Variants in TMEM131L observed in about 807,000 individuals in gnomAD.
TMEM131L encodes transmembrane 131 like.
A neutral mutation model predicts 192.2 loss-of-function variants in TMEM131L; 54 were observed. That is an observed-to-expected ratio of 0.28 (90% CI 0.23 to 0.35). TMEM131L has a LOEUF of 0.35. Among genes scored for constraint, TMEM131L ranks in the 10% least tolerant of loss-of-function variants. TMEM131L has a pLI of 1.00. For missense variants in TMEM131L, 1,888 were observed against 1,972.9 expected, an observed-to-expected ratio of 0.96 and a Z score of 0.82; for synonymous variants, 701 against 704.9, an observed-to-expected ratio of 0.99 and a Z score of 0.09.
intron 25 of TMEM131L, among the ~76,000 whole-genome samples, chr4:153,611,508 G>A (rs555063387): frequency 6.6e-6 from 1 of 152,276 alleles, no homozygotes; most frequent in East Asian, 1.9e-4. Flanking sequence ...ATTATCAAAT[G>A]CAGTGGCATT....
intron 7 of TMEM131L, among the ~76,000 whole-genome samples, chr4:153,566,402 C>T (rs904912067): frequency 3.9e-5 from 6 of 151,942 alleles, no homozygotes; most frequent in East Asian, 3.9e-4. Flanking sequence ...CTCAAAGTGC[C>T]GGGATTACAG....
intron 25 of TMEM131L, among the ~76,000 whole-genome samples, chr4:153,605,738 T>A (rs73856932): frequency 1.3e-5 from 2 of 152,244 alleles, no homozygotes; most frequent in African/African-American, 4.8e-5. Context: ...TAACTTCATC[T>A]TTTTCACTTC....
intron 32 of TMEM131L, 117 bp downstream of exon 32, chr4:153,632,955 G>A: frequency 8.3e-7 from 1 of 1,206,716 alleles, no homozygotes; most frequent in Non-Finnish European, 1.2e-6. Context: ...CTTCCTTGGT[G>A]TACTTTAGCT....
Position 153,603,938 on chromosome 4 carries a change from CAGA to C in TMEM131L, c.2932_2934del (p.Lys978del). 2 of 1,614,050 alleles carry C rather than the reference CAGA, an allele frequency of 1.2e-6. No homozygotes were observed. Among genetic ancestry groups the C allele is most frequent in the South Asian group, 1.1e-5 (1 of 91,086 alleles). ...GAGCCCAGCCACCTATGGTCATTCTCAGAAGAAGCACAAATGCTCAGTGTATTA... is the reference window on the plus strand; with the variant it reads ...GAGCCCAGCCACCTATGGTCATTCTCAGAAGCACAAATGCTCAGTGTATTA... On this transcript the variant is annotated inframe_deletion, in exon 25 of 35. Transcript: ENST00000409959.
chr4:153,499,232 G>T (rs926182560), intron 3 of TMEM131L, among the ~76,000 whole-genome samples: 2 of 152,170 alleles, frequency 1.3e-5, no homozygotes, highest in Admixed American at 1.3e-4. Flanking sequence ...GCCTCCCTGC[G>T]GTTAGTGGTG....
chr4:153,590,021 A>G (rs890930572), intron 16 of TMEM131L, among the ~76,000 whole-genome samples: 16 of 152,224 alleles, frequency 1.1e-4, no homozygotes, highest in African/African-American at 3.6e-4. Flanking sequence ...AACAAACTTG[A>G]CATTCATGTA....
At chr4:153,586,120 A>G (rs1730682847) in intron 13 of TMEM131L, 89 bp from the exon 14 acceptor site, 2 of 956,706 alleles carry the variant, frequency 2.1e-6, no homozygotes, top group Admixed American at 3.0e-5. Context: ...TTTCTGAAGT[A>G]TAGAAGAATG....
rs1477753666 is a variant in TMEM131L at position 153,588,295 on chromosome 4, C to T, written c.1552+484C>T. On this transcript the variant is annotated intron_variant, in intron 15 of 34. Transcript: ENST00000409959. Reference sequence around the variant, plus strand: ...GAGTTTTTTTTTTTGTTTTTTTTGTCTTTTGATTTATAGAGATATTTAGGG... The same window carrying T: ...GAGTTTTTTTTTTTGTTTTTTTTGTTTTTTGATTTATAGAGATATTTAGGG... 3.4e-3 allele frequency among the ~76,000 whole-genome samples: 386 copies of T among 115,164 alleles called. 1 individual carries two copies. The highest frequency in any genetic ancestry group is 5.3e-3 in the Non-Finnish European group (291 of 54,468). 75.6% of individuals were successfully genotyped at this position (115,164 alleles called of 152,430 possible).
At chr4:153,612,168 A>G (rs1435876997) in intron 25 of TMEM131L, 84 bp from the exon 26 acceptor site, 1 of 984,562 alleles carries the variant, frequency 1.0e-6, no homozygotes, top group African/African-American at 1.7e-5. Flanking sequence ...ATGAAGTCAA[A>G]TTAGATGTTT....
chr4:153,488,965 A>G (rs1288954957), intron 3 of TMEM131L, among the ~76,000 whole-genome samples: 1 of 152,156 alleles, frequency 6.6e-6, no homozygotes, highest in Non-Finnish European at 1.5e-5. Context: ...TAAGGACACC[A>G]GTTATATTGA....
chr4:153,568,170 G>T (rs1729348875), intron 7 of TMEM131L, among the ~76,000 whole-genome samples: 1 of 152,158 alleles, frequency 6.6e-6, no homozygotes, highest in South Asian at 2.1e-4. Context: ...TGCTTCTGTG[G>T]AATGGGAACT....
At chr4:153,621,481 A>G (rs1733405122) in intron 27 of TMEM131L, among the ~76,000 whole-genome samples, 2 of 152,140 alleles carry the variant, frequency 1.3e-5, no homozygotes, top group Non-Finnish European at 2.9e-5. Flanking sequence ...CTTCTTTGAG[A>G]CACTTAATTT....
At chr4:153,517,117 G>A (rs1734791024) in intron 3 of TMEM131L, among the ~76,000 whole-genome samples, 2 of 152,194 alleles carry the variant, frequency 1.3e-5, no homozygotes, top group African/African-American at 2.4e-5. Context: ...GAGCCACCAC[G>A]CCTGGCCAGC....
At chr4:153,491,966 T>C (rs939927201) in intron 3 of TMEM131L, among the ~76,000 whole-genome samples, 1 of 151,998 alleles carries the variant, frequency 6.6e-6, no homozygotes, top group Non-Finnish European at 1.5e-5. Flanking sequence ...CCCCAAAGTG[T>C]TGGGATTGTA....
rs536922582 is a variant in TMEM131L, at chr4:153,471,353, G to T, written c.196-2492G>T. The stretch of plus-strand genomic sequence containing the variant: ...CCTTAACTGGGTTCTCCTTTGAGGG[G>T]CTGGGCTGCTAAGGGTTGGTGCCCT... On this transcript the variant is annotated intron_variant, in intron 2 of 34. Coordinates refer to ENST00000409959, the MANE Select transcript of TMEM131L (RefSeq NM_001131007.2). Among the ~76,000 whole-genome samples, 3 of 152,190 alleles carry T rather than the reference G, an allele frequency of 2.0e-5. No individual in the cohort carries two copies. The East Asian group carries it at 5.8e-4, about 29-fold the overall frequency.
intron 7 of TMEM131L, among the ~76,000 whole-genome samples, chr4:153,573,076 A>G (rs970544202): frequency 3.3e-4 from 51 of 152,342 alleles, no homozygotes; most frequent in Admixed American, 3.2e-3. Flanking sequence ...TTTCTGTTGC[A>G]CATATATATC....
chr4:153,536,903 C>A (rs62324750), intron 3 of TMEM131L, among the ~76,000 whole-genome samples: 1 of 152,078 alleles, frequency 6.6e-6, no homozygotes, highest in Non-Finnish European at 1.5e-5. Flanking sequence ...GCATCCAGCA[C>A]GGGAGAAAGC....
At chr4:153,470,073 CTTACTA>C (rs1158865387) in intron 2 of TMEM131L, among the ~76,000 whole-genome samples, 1 of 150,982 alleles carries the variant, frequency 6.6e-6, no homozygotes, top group African/African-American at 2.4e-5. Flanking sequence ...TCAAGACTAA[CTTACTA>C]TTAGTAAAAC....
intron 3 of TMEM131L, among the ~76,000 whole-genome samples, chr4:153,505,876 G>A (rs1390166531): frequency 6.6e-6 from 1 of 152,132 alleles, no homozygotes; most frequent in South Asian, 2.1e-4. Flanking sequence ...GTAAGAGTGT[G>A]CCCAGGGTGT....
Sources: gnomAD v4.1 joint callset for allele counts (sites outside exome capture counted in the v4.1 genomes callset) on GRCh38, gnomAD v4.1.1 for gene constraint, MANE v1.5 for transcripts, NCBI Gene and HGNC (gene_info 2026-07-23, HGNC 2026-07-21) for gene names.